Variants in KDM7A observed in about 807,000 individuals in gnomAD.
KDM7A encodes lysine demethylase 7A.
KDM7A carries 28 observed loss-of-function variants against 114.8 expected under a neutral mutation model. The observed-to-expected ratio is 0.24, with a 90% confidence interval of 0.18 to 0.33. KDM7A has a LOEUF of 0.33. Ranked by LOEUF, KDM7A falls within the 10% of genes least tolerant of loss-of-function variation. KDM7A has a pLI of 1.00. For synonymous variants in KDM7A, 423 were observed against 397.8 expected, an observed-to-expected ratio of 1.06 and a Z score of -0.75; for missense variants, 942 against 1,142.5, an observed-to-expected ratio of 0.82 and a Z score of 2.53.
chr7:140,176,605 G>T lies in KDM7A; in HGVS notation c.194+139C>A. The T allele has an allele frequency of 1.9e-6, 1 of 527,370 alleles. No individual in the cohort carries two copies. Among genetic ancestry groups the T allele is most frequent in the Non-Finnish European group, 2.4e-6 (1 of 412,320 alleles). 32.7% of individuals were successfully genotyped at this position (527,370 alleles called of 1,614,324 possible). On this transcript the variant is annotated intron_variant, in intron 1 of 19. Coordinates refer to ENST00000397560, the MANE Select transcript of KDM7A (RefSeq NM_030647.2). The surrounding 1 kb of genome is among the most constrained non-coding windows in gnomAD (Gnocchi z 4.4). ...CACCGCGCGCCCCACTGCCCGGCCG[G>T]GGGGCTAGGCACCGGGGCCCCCTGA...
At chr7:140,154,996 G>C (rs1020715664) in intron 1 of KDM7A, among the ~76,000 whole-genome samples, 4 of 152,030 alleles carry the variant, frequency 2.6e-5, no homozygotes, top group African/African-American at 9.7e-5. Flanking sequence ...TATCAACACA[G>C]GAGACTAAAA....
intron 7 of KDM7A, among the ~76,000 whole-genome samples, chr7:140,123,943 G>A (rs1372847698): frequency 2.6e-5 from 4 of 151,914 alleles, no homozygotes; most frequent in South Asian, 2.1e-4. Context: ...GGTGGCGGGC[G>A]CCTGTAGTCC....
chr7:140,097,612 C>T lies in KDM7A; in HGVS notation c.1949G>A (p.Arg650Lys). Residue 650 changes from arginine to lysine, a missense_variant, in exon 15 of 20, where the codon AGG (arginine) becomes AAG (lysine). By Grantham distance (26) the Arg-to-Lys change is conservative (BLOSUM62 2). Transcript: ENST00000397560. ...GFFTRVKSEL[R>K]SRSSGYSDIS... ...ATCAGAATATCCTGATGATCTACTC[C>T]TGAGTTCTGATTTCACACGTGTAAA... 1.2e-6 allele frequency: 2 copies of T among 1,606,196 alleles called. No individual in the cohort carries two copies. Among genetic ancestry groups the T allele is most frequent in the Middle Eastern group, 3.3e-4 (2 of 6,044 alleles).
At chr7:140,150,772 G>A (rs1794390939) in intron 1 of KDM7A, among the ~76,000 whole-genome samples, 1 of 151,158 alleles carries the variant, frequency 6.6e-6, no homozygotes, top group Non-Finnish European at 1.5e-5. Flanking sequence ...ACATTCCTGA[G>A]CCCCACCTTT....
At chr7:140,103,241 T>A (rs1042140760) in intron 11 of KDM7A, among the ~76,000 whole-genome samples, 1 of 152,192 alleles carries the variant, frequency 6.6e-6, no homozygotes, top group Non-Finnish European at 1.5e-5. Context: ...CTTTGGTGAC[T>A]GGCTTATTTC....
At chr7:140,146,641 T>C (rs765640881) in intron 1 of KDM7A, among the ~76,000 whole-genome samples, 2 of 152,224 alleles carry the variant, frequency 1.3e-5, no homozygotes, top group African/African-American at 2.4e-5. Flanking sequence ...CCACTTTGTG[T>C]GTGAGGGCAC....
chr7:140,136,146 T>TA (rs1394370979), intron 2 of KDM7A, among the ~76,000 whole-genome samples: 1 of 152,178 alleles, frequency 6.6e-6, no homozygotes, highest in Non-Finnish European at 1.5e-5. Flanking sequence ...GCTTTGGAAT[T>TA]AGACTGCTAG....
At chr7:140,145,568 G>C (rs1794331086) in intron 1 of KDM7A, among the ~76,000 whole-genome samples, 1 of 152,182 alleles carries the variant, frequency 6.6e-6, no homozygotes, top group Admixed American at 6.5e-5. Context: ...ATGCATGAGA[G>C]CTATCTCTGC....
intron 11 of KDM7A, among the ~76,000 whole-genome samples, chr7:140,105,694 AT>A (rs1818325069): frequency 6.6e-6 from 1 of 152,186 alleles, no homozygotes; most frequent in South Asian, 2.1e-4. Flanking sequence ...GTTTGCCAGT[AT>A]TTTACTGAGG....
At chr7:140,119,356 C>T (rs1818581851) in intron 8 of KDM7A, 137 bp from the exon 9 acceptor site, 2 of 499,524 alleles carry the variant, frequency 4.0e-6, no homozygotes, top group Non-Finnish European at 3.6e-6. Flanking sequence ...AGCAACATCA[C>T]ATTTGGACAA....
rs191466263 is a variant in KDM7A, at chr7:140,119,030, G to C, written c.1246+83C>G. The C allele has an allele frequency of 2.9e-5, 22 of 749,426 alleles. No homozygotes were observed. In the Admixed American group the frequency reaches 3.5e-4, roughly 12 times the overall value. 46.4% of individuals were successfully genotyped at this position (749,426 alleles called of 1,614,324 possible). A position where few individuals can be genotyped will look rare whatever the true frequency, so the allele number is the denominator to read the frequency against. The stretch of plus-strand genomic sequence containing the variant: ...TGACATCCATACACTACTAGAAAAG[G>C]GACTCTTTCTGTCAGGTGGCTATGA... On this transcript the variant is annotated intron_variant, in intron 9 of 19. Coordinates refer to ENST00000397560, the MANE Select transcript of KDM7A (RefSeq NM_030647.2).
intron 1 of KDM7A, among the ~76,000 whole-genome samples, chr7:140,145,149 T>A (rs989571698): frequency 6.6e-6 from 1 of 152,236 alleles, no homozygotes; most frequent in Non-Finnish European, 1.5e-5. Flanking sequence ...TATGTATTTA[T>A]GTGATTTTTT....
chr7:140,121,519 A>T (rs1341546498), intron 7 of KDM7A, among the ~76,000 whole-genome samples: 1 of 152,224 alleles, frequency 6.6e-6, no homozygotes, highest in African/African-American at 2.4e-5. Context: ...AGTCTGTGCC[A>T]ACTCCAAATC....
rs538802330 is a variant in KDM7A at position 140,126,388 on chromosome 7, C to T, written c.888+249G>A. Among the ~76,000 whole-genome samples, 60 of 151,314 alleles carry T rather than the reference C, an allele frequency of 4.0e-4. 1 individual carries two copies. The South Asian group carries it at 0.012, about 31-fold the overall frequency. ...AGAAGAGACAAAAGCCTAAAAGAAA[C>T]CAACTTAAAAGATGAGGGCAGAAAG... On this transcript the variant is annotated intron_variant, in intron 6 of 19. Coordinates refer to ENST00000397560, the MANE Select transcript of KDM7A (RefSeq NM_030647.2).
chr7:140,126,205 C>G (rs1445502515), intron 6 of KDM7A, among the ~76,000 whole-genome samples: 2 of 152,088 alleles, frequency 1.3e-5, no homozygotes, highest in Non-Finnish European at 2.9e-5. Flanking sequence ...GCCACTACAC[C>G]CAGCCAAGAA....
intron 1 of KDM7A, among the ~76,000 whole-genome samples, chr7:140,160,028 A>G (rs1794501315): frequency 6.6e-6 from 1 of 151,462 alleles, no homozygotes; most frequent in South Asian, 2.1e-4. Context: ...ACAATCTTAT[A>G]GGTACACATT....
At chr7:140,155,627 T>A (rs75590044) in intron 1 of KDM7A, among the ~76,000 whole-genome samples, 8,896 of 151,996 alleles carry the variant, frequency 0.059, 331 homozygotes, top group East Asian at 0.13. Context: ...TAGGAGACAG[T>A]GGGAACTGGT....
Position 140,102,010 on chromosome 7 carries a change from T to C in KDM7A, c.1579A>G (p.Ile527Val). 1 of 1,614,008 alleles carries C rather than the reference T, an allele frequency of 6.2e-7. No individual in the cohort carries two copies. The highest frequency in any genetic ancestry group is 8.5e-7 in the Non-Finnish European group (1 of 1,179,878). Reference protein sequence around the residue: ...HNVRTPSNLDILELHTREVLK... With the variant: ...HNVRTPSNLDVLELHTREVLK... ...ACCTCCCTTGTGTGGAGCTCTAGGA[T>C]GTCTAGGTTAGAAGGAGTTCGGACA... is the stretch of plus-strand genomic sequence containing the variant. The change falls in exon 12 of 20, where the codon ATC becomes GTC. Residue 527 changes from isoleucine (I) to valine (V), a missense_variant. Physicochemically the swap from Ile to Val is conservative, Grantham distance 29 (BLOSUM62 3). Transcript: ENST00000397560.
At chr7:140,113,432 C>A in intron 10 of KDM7A, 59 bp downstream of exon 10, 1 of 1,013,412 alleles carries the variant, frequency 9.9e-7, no homozygotes, top group South Asian at 1.4e-5. Flanking sequence ...AGCACAAGGA[C>A]TCTGTTTTCC....
Sources: gnomAD v4.1 joint callset for allele counts (sites outside exome capture counted in the v4.1 genomes callset) on GRCh38, gnomAD v4.1.1 for gene constraint, Gnocchi (gnomAD v3.1) non-coding constraint, MANE v1.5 for transcripts, NCBI Gene and HGNC (gene_info 2026-07-23, HGNC 2026-07-21) for gene names.